The following HDX variants were observed in gnomAD, a reference collection of about 807,000 sequenced individuals.
The protein encoded by HDX is highly divergent homeobox, also known as chromosome X open reading frame 43.
A neutral mutation model predicts 45.2 loss-of-function variants in HDX; 19 were observed. That is an observed-to-expected ratio of 0.42 (90% CI 0.29 to 0.62). The LOEUF (loss-of-function observed/expected upper bound fraction) is 0.62, where lower values mean the gene tolerates loss of function less well. Ranked by LOEUF, HDX falls within the 20% of genes least tolerant of loss-of-function variation. The pLI, the probability that HDX is intolerant of heterozygous loss-of-function variation, is 0.20. For missense variants in HDX, 532 were observed against 493.9 expected, an observed-to-expected ratio of 1.08 and a Z score of -0.73; for synonymous variants, 188 against 172.8, an observed-to-expected ratio of 1.09 and a Z score of -0.69.
chrX:84,462,914 A>G (rs2040270474), intron 4 of HDX, among the ~76,000 whole-genome samples: 2 of 111,215 alleles, frequency 1.8e-5, no homozygotes, highest in African/African-American at 6.5e-5. Context: ...AATTGAAAGA[A>G]GCCAGTCTCA....
intron 4 of HDX, among the ~76,000 whole-genome samples, chrX:84,456,242 C>T (rs1180981673): frequency 9.0e-6 from 1 of 111,209 alleles, no homozygotes; most frequent in South Asian, 3.7e-4. Flanking sequence ...AGAAGACAAA[C>T]CAATAAAAAA....
At chrX:84,350,709 C>T (rs1382021478) in intron 6 of HDX, among the ~76,000 whole-genome samples, 2 of 111,864 alleles carry the variant, frequency 1.8e-5, no homozygotes, top group African/African-American at 3.2e-5. Flanking sequence ...TTTCAAACTA[C>T]ACATATCATG....
rs765145614 is a variant in HDX, at chrX:84,440,534, C to T, written c.1303G>A (p.Ala435Thr). Residue 435 changes from alanine (A) to threonine (T), a missense_variant and splice_region_variant, in exon 5 of 11, where the codon GCA becomes ACA. Physicochemically the swap from Ala to Thr is moderately conservative, Grantham distance 58. This residue lies in a region of HDX where 376 missense variants were observed against 343.7 expected (regional missense o/e 1.09). Coordinates refer to ENST00000373177, the MANE Select transcript of HDX (RefSeq NM_001177479.2). ...PWITGCSRKR[A>T]LQDRTQFSDR... is the part of the protein sequence containing the mutation. The stretch of plus-strand genomic sequence containing the variant: ...GCTTTAAATGAAAGATTACTTACTG[C>T]TCTTTTTCTAGAACACCCTGTAATC... 6.0e-6 allele frequency: 7 copies of T among 1,166,503 alleles called. No homozygotes were observed. The highest frequency in any genetic ancestry group is 6.0e-5 in the East Asian group (2 of 33,302).
At chrX:84,434,973 T>A (rs770531373) in intron 5 of HDX, among the ~76,000 whole-genome samples, 7 of 110,761 alleles carry the variant, frequency 6.3e-5, no homozygotes, top group Non-Finnish European at 1.1e-4. Flanking sequence ...TTCATAGTAG[T>A]TTTAATGATC....
chrX:84,351,506 T>A (rs1190100660), intron 6 of HDX, among the ~76,000 whole-genome samples: 1 of 111,419 alleles, frequency 9.0e-6, no homozygotes, highest in Non-Finnish European at 1.9e-5. Flanking sequence ...GGTATTTGGC[T>A]GGAGTAAAGA....
At position 84,344,363 on chromosome X, in the gene HDX, T is replaced by C. The variant is rs1379223097; in HGVS notation, c.1547A>G (p.Glu516Gly). Residue 516 changes from glutamate to glycine, a missense_variant, in exon 7 of 11, where the codon GAG (glutamate) becomes GGG (glycine). Glu to Gly is a moderately conservative substitution (Grantham distance 98, BLOSUM62 -2). Around this residue, in one of 3 missense-constraint regions of HDX, gnomAD observed 151 missense variants for 131.8 expected, o/e 1.15. Transcript: ENST00000373177. The part of the protein sequence containing the change: ...GGPADFSEQP[E>G]SGSLSALTPG... ...TGTGAGTGCAGATAAAGAACCAGAC[T>C]CAGGCTGCTCAGAGAAATCAGCAGG... The C allele has an allele frequency of 8.3e-7, 1 of 1,202,998 alleles. No homozygotes were observed.
rs2036564948 is a variant in HDX at position 84,319,821 on chromosome X, G to T, written c.*2068C>A. 2 of 111,285 alleles carry T rather than the reference G, an allele frequency of 1.8e-5. No homozygotes were observed. Among genetic ancestry groups the T allele is most frequent in the Non-Finnish European group, 3.8e-5 (2 of 52,585 alleles). 9.2% of individuals were successfully genotyped at this position (111,285 alleles called of 1,213,427 possible). A position where few individuals can be genotyped will look rare whatever the true frequency, so the allele number is the denominator to read the frequency against. ...ATTTGTGATGTTTACAGCTTGCTGA[G>T]AAATCCAATGTCCAGCACAGTGTCT... On this transcript the variant is annotated 3_prime_UTR_variant, in exon 11 of 11. Coordinates refer to ENST00000373177, the MANE Select transcript of HDX (RefSeq NM_001177479.2).
At chrX:84,487,836 C>T (rs1381916950) in intron 2 of HDX, among the ~76,000 whole-genome samples, 188 bp downstream of exon 2, 6 of 112,131 alleles carry the variant, frequency 5.4e-5, no homozygotes, top group Non-Finnish European at 1.1e-4. Context: ...CAACTGGAGC[C>T]ACCATTGATT....
chrX:84,360,442 CATTT>C (rs1295385792), intron 6 of HDX, among the ~76,000 whole-genome samples: 2 of 111,756 alleles, frequency 1.8e-5, no homozygotes, highest in African/African-American at 3.2e-5. Context: ...CCACACAATT[CATTT>C]ATTTAATATG....
rs776926386 is a variant in HDX, at chrX:84,481,210, ATTGT to A, written c.1-5817_1-5814del. Among the ~76,000 whole-genome samples, 163 of 110,900 alleles carry A rather than the reference ATTGT, an allele frequency of 1.5e-3. 2 individuals are homozygous for A. Among genetic ancestry groups the A allele is most frequent in the South Asian group, 0.014 (38 of 2,644 alleles). On this transcript the variant is annotated intron_variant, in intron 2 of 10. Coordinates refer to ENST00000373177, the MANE Select transcript of HDX (RefSeq NM_001177479.2). ...CCTTTTTTCTTCTTGATATTGGTAA[ATTGT>A]TTGTTCTTCTTTATTTAGCATTTAT...
At chrX:84,424,216 A>G (rs1916717449) in intron 5 of HDX, among the ~76,000 whole-genome samples, 1 of 111,725 alleles carries the variant, frequency 9.0e-6, no homozygotes, top group Non-Finnish European at 1.9e-5. Context: ...CCAATTTATA[A>G]TGGACACAAA....
chrX:84,478,429 G>C (rs1456065563), intron 2 of HDX, among the ~76,000 whole-genome samples: 1 of 111,657 alleles, frequency 9.0e-6, no homozygotes, highest in Non-Finnish European at 1.9e-5. Context: ...TTTTCACATG[G>C]AAACACTTGA....
chrX:84,495,880 C>T (rs1021418477), intron 1 of HDX, among the ~76,000 whole-genome samples: 2 of 111,356 alleles, frequency 1.8e-5, no homozygotes, highest in Admixed American at 9.5e-5. Flanking sequence ...CAGACTTGTG[C>T]CTTCTGGAAC....
intron 7 of HDX, among the ~76,000 whole-genome samples, chrX:84,342,906 G>C (rs2037119193): frequency 9.0e-6 from 1 of 110,997 alleles, no homozygotes; most frequent in South Asian, 3.7e-4. Flanking sequence ...AAATTAAAAG[G>C]CAAACAATAC....
chrX:84,321,825 T>TA lies in HDX; in HGVS notation c.*63dup. 4.2e-6 allele frequency: 4 copies of TA among 962,193 alleles called. No individual in the cohort carries two copies. In the South Asian group the frequency reaches 1.1e-4, roughly 26 times the overall value. The allele number at this position is 962,193 out of a possible 1,213,427, so 79.3% of individuals were successfully genotyped here. A position where few individuals can be genotyped will look rare whatever the true frequency, so the allele number is the denominator to read the frequency against. On this transcript the variant is annotated 3_prime_UTR_variant, in exon 11 of 11. Transcript: ENST00000373177. ...GAATACCAGGGCAACAGAATGCAGT[T>TA]ATCTTGAAATGCACACCTGTTACGA... is the stretch of plus-strand genomic sequence containing the variant.
chrX:84,346,716 C>T (rs776236613), intron 6 of HDX, among the ~76,000 whole-genome samples: 7 of 111,290 alleles, frequency 6.3e-5, no homozygotes, highest in Non-Finnish European at 1.1e-4. Context: ...CTAAATCTCA[C>T]ACCTTATACA....
chrX:84,329,329 T>A (rs1443797050), intron 9 of HDX, among the ~76,000 whole-genome samples: 1 of 111,677 alleles, frequency 9.0e-6, no homozygotes, highest in African/African-American at 3.3e-5. Flanking sequence ...GGTCTTACAA[T>A]TTTATTTTTG....
chrX:84,490,018 T>G (rs768867442), intron 1 of HDX, among the ~76,000 whole-genome samples: 3 of 112,273 alleles, frequency 2.7e-5, no homozygotes, highest in Non-Finnish European at 3.8e-5. Context: ...TTAATTTTAG[T>G]AATTTCCAAC....
At chrX:84,387,494 A>G (rs1195138030) in intron 5 of HDX, among the ~76,000 whole-genome samples, 4 of 111,872 alleles carry the variant, frequency 3.6e-5, no homozygotes, top group African/African-American at 1.3e-4. Flanking sequence ...TGTTTTATAT[A>G]TGTGAGTACT....
Sources: gnomAD v4.1 joint callset for allele counts (sites outside exome capture counted in the v4.1 genomes callset) on GRCh38, gnomAD v4.1.1 for gene constraint, gnomAD v4.1.1 regional missense constraint, MANE v1.5 for transcripts, NCBI Gene and HGNC (gene_info 2026-07-23, HGNC 2026-07-21) for gene names.